The following MDFIC variants were observed in gnomAD, a reference collection of about 807,000 sequenced individuals.
MDFIC encodes the protein myoD family inhibitor domain-containing protein.
A neutral mutation model predicts 23.2 loss-of-function variants in MDFIC; 17 were observed. That is an observed-to-expected ratio of 0.73 (90% CI 0.50 to 1.10). MDFIC has a LOEUF of 1.10. MDFIC is among the 50% of genes least tolerant of loss of function. The probability of loss-of-function intolerance (pLI) is 0.00; values close to 1 mark genes in which losing one functional copy is unlikely to be tolerated. For synonymous variants in MDFIC, 120 were observed against 115.2 expected (o/e 1.04, Z -0.27); for missense variants, 356 against 316.6 (o/e 1.12, Z -0.95).
At chr7:115,011,640 A>G (rs62470670) in intron 4 of MDFIC, among the ~76,000 whole-genome samples, 12,725 of 152,330 alleles carry the variant, frequency 0.084, 733 homozygotes, top group East Asian at 0.25. Flanking sequence ...CTTATTTACT[A>G]AAGTAGGAGT....
chr7:114,999,929 A>G (rs1007139275), intron 4 of MDFIC, among the ~76,000 whole-genome samples: 1 of 152,348 alleles, frequency 6.6e-6, no homozygotes, highest in East Asian at 1.9e-4. Context: ...ATTTTCATAT[A>G]TTAAAGTTGT....
At chr7:114,965,134 T>A (rs1793072292) in intron 3 of MDFIC, among the ~76,000 whole-genome samples, 1 of 151,900 alleles carries the variant, frequency 6.6e-6, no homozygotes, top group Non-Finnish European at 1.5e-5. Flanking sequence ...GATGTAAGAG[T>A]AAGAGGCAGT....
intron 2 of MDFIC, among the ~76,000 whole-genome samples, chr7:114,941,202 C>T (rs1298044003): frequency 6.6e-6 from 1 of 152,150 alleles, no homozygotes; most frequent in Non-Finnish European, 1.5e-5. Context: ...CTGAGAATCA[C>T]AAGTGTGCAC....
intron 3 of MDFIC, among the ~76,000 whole-genome samples, 179 bp from the exon 4 acceptor site, chr7:114,979,327 T>C (rs1793373646): frequency 6.6e-6 from 1 of 152,208 alleles, no homozygotes; most frequent in Non-Finnish European, 1.5e-5. Context: ...TTTTCCATTT[T>C]AGTAAATTAT....
chr7:114,952,240 C>T (rs1050135275), intron 3 of MDFIC, among the ~76,000 whole-genome samples: 9 of 152,160 alleles, frequency 5.9e-5, no homozygotes, highest in African/African-American at 2.2e-4. Context: ...TCGCCATGGG[C>T]AAGCTCCGGA....
In MDFIC at chr7:115,017,350, T is replaced by C. The variant is rs914940302; in HGVS notation, c.*1415T>C. 6.6e-6 allele frequency: 1 copy of C among 152,144 alleles called. No homozygotes were observed. Among genetic ancestry groups the C allele is most frequent in the Non-Finnish European group, 1.5e-5 (1 of 67,996 alleles). The allele number at this position is 152,144 out of a possible 1,614,324, so 9.4% of individuals were successfully genotyped here. A position where few individuals can be genotyped will look rare whatever the true frequency, so the allele number is the denominator to read the frequency against. On this transcript the variant is annotated 3_prime_UTR_variant, in exon 5 of 5. Transcript: ENST00000393486. ...GACACATTTCATTTAAATTAGGAAA[T>C]TTTTAATATTAAAATCCCAGTGTTC...
At chr7:114,922,700 A>T (rs965313113) in intron 1 of MDFIC, 64 bp downstream of exon 1, 30 of 1,365,558 alleles carry the variant, frequency 2.2e-5, no homozygotes, top group South Asian at 2.0e-4. Flanking sequence ...GGTTCTCCCA[A>T]ACCCGATCTC....
chr7:114,941,394 G>A (rs1338924537), intron 2 of MDFIC, among the ~76,000 whole-genome samples: 1 of 152,158 alleles, frequency 6.6e-6, no homozygotes, highest in Non-Finnish European at 1.5e-5. Flanking sequence ...GCCACTCATA[G>A]TACTTCACAG....
chr7:114,958,037 C>A (rs1489378642), intron 3 of MDFIC, among the ~76,000 whole-genome samples: 1 of 152,092 alleles, frequency 6.6e-6, no homozygotes, highest in African/African-American at 2.4e-5. Context: ...CTAGCACTCA[C>A]AAAGTAGGAA....
chr7:115,014,390 G>T (rs1187817576), intron 4 of MDFIC: 16 of 1,288,678 alleles, frequency 1.2e-5, no homozygotes, highest in Non-Finnish European at 1.6e-5. Flanking sequence ...CTATAGAGAA[G>T]CGCATGATTT....
chr7:115,007,374 G>A (rs1459735883), intron 4 of MDFIC, among the ~76,000 whole-genome samples: 1 of 151,962 alleles, frequency 6.6e-6, no homozygotes, highest in Non-Finnish European at 1.5e-5. Flanking sequence ...GGACAGTAAT[G>A]TTATTACCAG....
rs1408765691 is a variant in MDFIC at position 114,935,436 on chromosome 7, A to T, written c.95-6839A>T. Among the ~76,000 whole-genome samples, 6 of 152,134 alleles carry T rather than the reference A, an allele frequency of 3.9e-5. No homozygotes were observed. In the East Asian group the frequency reaches 1.2e-3, roughly 29 times the overall value. The stretch of plus-strand genomic sequence containing the variant: ...CACTGATTAAGTTTTATGAGGTTTT[A>T]TAAAGATTCCTGCCAATCAACATAA... On this transcript the variant is annotated intron_variant, in intron 2 of 4. Coordinates refer to ENST00000393486, the MANE Select transcript of MDFIC (RefSeq NM_001166345.3).
chr7:114,974,932 T>G (rs1012829075), intron 3 of MDFIC, among the ~76,000 whole-genome samples: 1 of 152,002 alleles, frequency 6.6e-6, no homozygotes, highest in South Asian at 2.1e-4. Context: ...TTTTTTTTTT[T>G]AATCTTTACA....
chr7:114,995,306 C>T (rs918038486), intron 4 of MDFIC, among the ~76,000 whole-genome samples: 1 of 152,184 alleles, frequency 6.6e-6, no homozygotes, highest in African/African-American at 2.4e-5. Context: ...CCCCCTTTAG[C>T]TTGGAGAAGT....
chr7:114,948,618 C>A (rs1324181709), intron 3 of MDFIC, among the ~76,000 whole-genome samples: 1 of 151,982 alleles, frequency 6.6e-6, no homozygotes, highest in East Asian at 1.9e-4. Context: ...TTCCTCTTTT[C>A]TTTTTTTCCT....
chr7:115,015,460 C>T (rs1435554160), intron 4 of MDFIC, among the ~76,000 whole-genome samples: 5 of 151,740 alleles, frequency 3.3e-5, no homozygotes, highest in African/African-American at 1.2e-4. Context: ...AACACATGTG[C>T]GTACACACAA....
chr7:114,942,982 A>G (rs1166036099), intron 3 of MDFIC, among the ~76,000 whole-genome samples: 1 of 152,156 alleles, frequency 6.6e-6, no homozygotes, highest in Non-Finnish European at 1.5e-5. Flanking sequence ...CCTGGAGTTT[A>G]CGTTCTGGTC....
At chr7:115,014,007 T>G (rs1408732238) in intron 4 of MDFIC, 1 of 985,294 alleles carries the variant, frequency 1.0e-6, no homozygotes, top group Non-Finnish European at 1.2e-6. Context: ...TATGTAAAAG[T>G]GGGCTTGGCA....
intron 3 of MDFIC, among the ~76,000 whole-genome samples, chr7:114,957,420 C>T (rs1388257113): frequency 2.6e-5 from 4 of 152,166 alleles, no homozygotes; most frequent in Non-Finnish European, 5.9e-5. Context: ...AATAATGTCT[C>T]CTTAACTATT....
Sources: allele counts gnomAD v4.1 joint callset (sites outside exome capture counted in the v4.1 genomes callset), GRCh38; gene constraint gnomAD v4.1.1; transcripts MANE v1.5; gene names NCBI Gene and HGNC (gene_info 2026-07-23, HGNC 2026-07-21).